TMEM229B: variants seen among roughly 807,000 people sequenced by gnomAD.
The protein encoded by TMEM229B is chromosome 14 open reading frame 83.
In TMEM229B, 6 loss-of-function variants were observed where a neutral mutation model predicts 13.7. The observed-to-expected ratio is 0.44, with a 90% confidence interval of 0.24 to 0.86. TMEM229B has a LOEUF of 0.86. TMEM229B is among the 40% of genes least tolerant of loss of function. TMEM229B has a pLI of 0.23. For synonymous variants in TMEM229B, 107 were observed against 102.1 expected, an observed-to-expected ratio of 1.05 and a Z score of -0.29; for missense variants, 170 against 236.0, an observed-to-expected ratio of 0.72 and a Z score of 1.83.
At chr14:67,524,969 C>T (rs1391583675) in intron 1 of TMEM229B, among the ~76,000 whole-genome samples, 1 of 152,168 alleles carries the variant, frequency 6.6e-6, no homozygotes, top group Non-Finnish European at 1.5e-5. Flanking sequence ...CACACTCTGG[C>T]TCTTGGACTG....
chr14:67,484,765 G>GA (rs879545503), intron 2 of TMEM229B, among the ~76,000 whole-genome samples: 3 of 149,540 alleles, frequency 2.0e-5, no homozygotes, highest in Non-Finnish European at 4.5e-5. Flanking sequence ...TTCTAATAAA[G>GA]AAAAAAAAAG....
In TMEM229B at chr14:67,473,945, C is replaced by T. The variant is rs1329531867; in HGVS notation, c.-18-4G>A. The T allele has an allele frequency of 8.9e-6, 14 of 1,581,798 alleles. No individual in the cohort carries two copies. The African/African-American group carries it at 1.1e-4, about 12-fold the overall frequency. On this transcript the variant is annotated splice_region_variant and splice_polypyrimidine_tract_variant and intron_variant, in intron 2 of 2. Transcript: ENST00000554480. The surrounding 1 kb of genome is among the most constrained non-coding windows in gnomAD (Gnocchi z 6.5). ...CCATGGCGCCGACTGGGGCTGGCTG[C>T]GGGGGGCGCAAGAGAGACAGGTGAG... is the stretch of plus-strand genomic sequence containing the variant.
intron 1 of TMEM229B, among the ~76,000 whole-genome samples, chr14:67,511,046 C>G (rs533741702): frequency 6.6e-6 from 1 of 152,162 alleles, no homozygotes; most frequent in African/African-American, 2.4e-5. Context: ...CTCCTCAGGG[C>G]TGATGTCAAG....
At chr14:67,506,978 A>G (rs970806837) in intron 1 of TMEM229B, among the ~76,000 whole-genome samples, 5 of 151,638 alleles carry the variant, frequency 3.3e-5, no homozygotes, top group Admixed American at 1.3e-4. Flanking sequence ...GCCAGATTCC[A>G]TCTAAAAACA....
At chr14:67,516,145 T>C (rs2033195958), upstream of TMEM229B, among the ~76,000 whole-genome samples, 1 of 152,214 alleles carries the variant, frequency 6.6e-6, no homozygotes, top group Non-Finnish European at 1.5e-5. Context: ...GGACTGGTCC[T>C]GGGTCCTGCA....
At chr14:67,508,384 T>C (rs2032903826) in intron 1 of TMEM229B, among the ~76,000 whole-genome samples, 1 of 152,078 alleles carries the variant, frequency 6.6e-6, no homozygotes, top group South Asian at 2.1e-4. Context: ...GGTTAGAGAA[T>C]ATCTTGTCCA....
chr14:67,526,651 A>G (rs963811813), intron 1 of TMEM229B, among the ~76,000 whole-genome samples: 1 of 152,176 alleles, frequency 6.6e-6, no homozygotes, highest in Non-Finnish European at 1.5e-5. Context: ...TTTAGAGGTG[A>G]CCAAAGCATG....
At chr14:67,514,556 CG>C (rs1199857688) in intron 1 of TMEM229B, among the ~76,000 whole-genome samples, 1 of 152,016 alleles carries the variant, frequency 6.6e-6, no homozygotes, top group Non-Finnish European at 1.5e-5. Flanking sequence ...GAGAAGGCGG[CG>C]GGGTCATTTT....
chr14:67,473,721 C>T lies in TMEM229B; in HGVS notation c.203G>A (p.Arg68His). The T allele has an allele frequency of 1.9e-6, 3 of 1,607,036 alleles. No homozygotes were observed. The highest frequency in any genetic ancestry group is 1.7e-6 in the Non-Finnish European group (2 of 1,176,980). ...LIVERMYLRL[R>H]GRCPLLLRCL... ...GCGCAGGAGCAGCGGGCAGCGGCCG[C>T]GCAGCCGCAGGTACATGCGCTCCAC... Residue 68 changes from arginine (R) to histidine (H), a missense_variant, in exon 3 of 3, where the codon CGC becomes CAC. Physicochemically the swap from Arg to His is conservative, Grantham distance 29 (BLOSUM62 0). Coordinates refer to ENST00000554480, the MANE Select transcript of TMEM229B (RefSeq NM_001348543.2). The surrounding 1 kb of genome is among the most constrained non-coding windows in gnomAD (Gnocchi z 6.5).
At chr14:67,528,621 C>A (rs1216813512) in intron 1 of TMEM229B, among the ~76,000 whole-genome samples, 1 of 152,188 alleles carries the variant, frequency 6.6e-6, no homozygotes, top group Non-Finnish European at 1.5e-5. Flanking sequence ...CCCTGAGCTC[C>A]ACCAGCTCCC....
chr14:67,476,958 T>C (rs2031243082), intron 2 of TMEM229B, among the ~76,000 whole-genome samples: 1 of 152,086 alleles, frequency 6.6e-6, no homozygotes, highest in Non-Finnish European at 1.5e-5. Flanking sequence ...AAACCCTGTC[T>C]CTACTAAAAA....
chr14:67,482,648 G>A, intron 2 of TMEM229B, among the ~76,000 whole-genome samples: 1 of 152,220 alleles, frequency 6.6e-6, no homozygotes, highest in Non-Finnish European at 1.5e-5. Context: ...CTGAAGATAA[G>A]TGGCTTCAAT....
At chr14:67,517,224 G>A (rs535941027), upstream of TMEM229B, among the ~76,000 whole-genome samples, 145 of 152,256 alleles carry the variant, frequency 9.5e-4, no homozygotes, top group African/African-American at 3.3e-3. Context: ...CCCTTGCCAC[G>A]AAGGCATAGT....
intron 1 of TMEM229B, among the ~76,000 whole-genome samples, chr14:67,502,456 CTT>C (rs71129827): frequency 3.6e-5 from 5 of 137,636 alleles, no homozygotes; most frequent in Non-Finnish European, 4.6e-5. Context: ...AAGGTGATTT[CTT>C]TTTTTTTTTT....
Position 67,473,251 on chromosome 14 carries a change from G to A in TMEM229B, c.*169C>T. On this transcript the variant is annotated 3_prime_UTR_variant, in exon 3 of 3. Coordinates refer to ENST00000554480, the MANE Select transcript of TMEM229B (RefSeq NM_001348543.2). The surrounding 1 kb of genome is among the most constrained non-coding windows in gnomAD (Gnocchi z 6.5). ...ACCCCATCCCCCAACACCTGACCAC[G>A]GCCCCCCAACACCGGCCCCCGCGGA... is the stretch of plus-strand genomic sequence containing the variant. 6 of 870,230 alleles carry A rather than the reference G, an allele frequency of 6.9e-6. No homozygotes were observed. Among genetic ancestry groups the A allele is most frequent in the South Asian group, 1.8e-5 (1 of 56,892 alleles). 53.9% of individuals were successfully genotyped at this position (870,230 alleles called of 1,614,324 possible).
At chr14:67,475,799 C>T (rs1021676962) in intron 2 of TMEM229B, among the ~76,000 whole-genome samples, 5 of 152,190 alleles carry the variant, frequency 3.3e-5, no homozygotes, top group Admixed American at 2.0e-4. Flanking sequence ...TCTACTTTCT[C>T]CTCACCCTCC....
At chr14:67,527,680 T>C (rs1338147884) in intron 1 of TMEM229B, among the ~76,000 whole-genome samples, 1 of 152,208 alleles carries the variant, frequency 6.6e-6, no homozygotes, top group Non-Finnish European at 1.5e-5. Flanking sequence ...CAGCCCCTCA[T>C]TCCCCAGCAT....
chr14:67,491,025 T>C (rs1179506365), upstream of TMEM229B, among the ~76,000 whole-genome samples: 1 of 152,178 alleles, frequency 6.6e-6, no homozygotes, highest in Non-Finnish European at 1.5e-5. Context: ...TTCTGAGGGC[T>C]CAGTCCCACA....
intron 2 of TMEM229B, among the ~76,000 whole-genome samples, chr14:67,479,448 T>G (rs192558181): frequency 6.7e-6 from 1 of 148,602 alleles, no homozygotes; most frequent in Non-Finnish European, 1.5e-5. Context: ...CTGGGTGCAG[T>G]AGCTCATGCC....
Sources: gnomAD v4.1 joint callset for allele counts (sites outside exome capture counted in the v4.1 genomes callset) on GRCh38, gnomAD v4.1.1 for gene constraint, Gnocchi (gnomAD v3.1) non-coding constraint, MANE v1.5 for transcripts, NCBI Gene and HGNC (gene_info 2026-07-23, HGNC 2026-07-21) for gene names.